PCDHA9: variants seen among roughly 807,000 people sequenced by gnomAD.
PCDHA9 encodes protocadherin alpha 9, also known as protocadherin alpha-9.
PCDHA9 carries 62 observed loss-of-function variants against 62.0 expected under a neutral mutation model. That is an observed-to-expected ratio of 1.00 (90% confidence interval 0.81 to 1.23). The LOEUF (loss-of-function observed/expected upper bound fraction) is 1.23, where lower values mean the gene tolerates loss of function less well. PCDHA9 is among the 50% of genes most tolerant of loss of function. The probability of loss-of-function intolerance (pLI) is 0.00; values close to 1 mark genes in which losing one functional copy is unlikely to be tolerated. For synonymous variants in PCDHA9, 557 were observed against 567.6 expected (o/e 0.98, Z 0.27); for missense variants, 1,205 against 1,249.8 (o/e 0.96, Z 0.54).
At chr5:140,928,208 A>AT (rs1436614514) in intron 1 of PCDHA9, 2 of 1,614,110 alleles carry the variant, frequency 1.2e-6, no homozygotes, top group Non-Finnish European at 1.7e-6. Flanking sequence ...GCTGATGTGA[A>AT]TGACAATACA....
At chr5:140,982,191 T>G (rs1431582069) in intron 2 of PCDHA9, among the ~76,000 whole-genome samples, 1 of 152,266 alleles carries the variant, frequency 6.6e-6, no homozygotes, top group African/African-American at 2.4e-5. Context: ...ATGGGCTTCC[T>G]GTTAGATTTA....
intron 1 of PCDHA9, among the ~76,000 whole-genome samples, chr5:140,935,104 A>G (rs1233919640): frequency 2.0e-5 from 3 of 152,126 alleles, no homozygotes; most frequent in Non-Finnish European, 4.4e-5. Context: ...GCCATTTTTC[A>G]AAGAGCTTTC....
intron 1 of PCDHA9, chr5:140,860,111 A>T (rs1337460322): frequency 6.6e-6 from 1 of 151,186 alleles, no homozygotes; most frequent in African/African-American, 2.4e-5. Context: ...CGACATAGGG[A>T]TATCTTGTAC....
chr5:141,005,263 A>T (rs1223276392), intron 3 of PCDHA9, among the ~76,000 whole-genome samples: 2 of 152,198 alleles, frequency 1.3e-5, no homozygotes, highest in Admixed American at 1.3e-4. Context: ...GGCACTGGTG[A>T]TACATTGGTG....
chr5:140,849,838 T>A lies in PCDHA9; in HGVS notation c.1343T>A (p.Val448Glu). Residue 448 changes from valine to glutamate, a missense_variant, in exon 1 of 4, where the codon GTG becomes GAG. Val to Glu is a moderately radical substitution (Grantham distance 121). Around this residue, in one of 3 missense-constraint regions of PCDHA9, gnomAD observed 887 missense variants for 809.5 expected, o/e 1.10. Coordinates refer to ENST00000532602, the MANE Select transcript of PCDHA9 (RefSeq NM_031857.2). ...TARVSVEVAD[V>E]NDNAPAFAQS... ...AGGGTGTCTGTGGAGGTGGCCGACG[T>A]GAACGACAACGCACCAGCGTTCGCG... 6.3e-7 allele frequency: 1 copy of A among 1,598,422 alleles called. No individual in the cohort carries two copies. Among genetic ancestry groups the A allele is most frequent in the Non-Finnish European group, 8.6e-7 (1 of 1,167,946 alleles).
At chr5:140,966,543 A>T (rs200134570) in intron 1 of PCDHA9, 4 of 461,074 alleles carry the variant, frequency 8.7e-6, no homozygotes, top group Non-Finnish European at 1.5e-5. Context: ...AGCGACTCGG[A>T]GGCGAGCGGA....
chr5:140,873,240 A>G (rs1008708021), intron 1 of PCDHA9, among the ~76,000 whole-genome samples: 10 of 152,226 alleles, frequency 6.6e-5, no homozygotes, highest in African/African-American at 2.4e-4. Context: ...ATAAAAATAT[A>G]AAATATTTCA....
At chr5:140,863,608 T>C (rs548888922) in intron 1 of PCDHA9, 1 of 349,702 alleles carries the variant, frequency 2.9e-6, no homozygotes, top group Non-Finnish European at 5.6e-6. Flanking sequence ...CCTATTAATG[T>C]CCCTCATAGT....
chr5:140,994,249 G>A (rs17119346), intron 3 of PCDHA9, among the ~76,000 whole-genome samples: 45,238 of 152,008 alleles, frequency 0.3, 6,962 homozygotes, highest in East Asian at 0.43. Flanking sequence ...CAAACCCTAG[G>A]TAAATAAGGT....
intron 1 of PCDHA9, chr5:140,877,946 C>A: frequency 7.4e-7 from 1 of 1,349,556 alleles, no homozygotes; most frequent in Non-Finnish European, 9.7e-7. Flanking sequence ...TTTAAACTAT[C>A]GAATGTCTCA....
chr5:140,948,573 G>A (rs892818051), intron 1 of PCDHA9, among the ~76,000 whole-genome samples: 1 of 151,448 alleles, frequency 6.6e-6, no homozygotes, highest in Non-Finnish European at 1.5e-5. Flanking sequence ...ATTTTTTAAA[G>A]GATTTGTCAG....
chr5:140,973,391 A>G (rs1466546487), intron 1 of PCDHA9, among the ~76,000 whole-genome samples: 1 of 152,232 alleles, frequency 6.6e-6, no homozygotes, highest in East Asian at 1.9e-4. Context: ...AGACAAAGAA[A>G]TCATATCTAT....
rs1186272048 is a variant in PCDHA9, at chr5:140,851,988, ATTTG to A, written c.2394+1107_2394+1110del. ...CCACACTCTACCTTTAGTGCAAGCT[ATTTG>A]TTTGTTTTCTAATTTATAGTTTTAA... On this transcript the variant is annotated intron_variant, in intron 1 of 3. Coordinates refer to ENST00000532602, the MANE Select transcript of PCDHA9 (RefSeq NM_031857.2). The A allele has an allele frequency of 2.0e-6, 2 of 975,736 alleles. 1 individual carries two copies. Among genetic ancestry groups the A allele is most frequent in the African/African-American group, 3.5e-5 (2 of 56,556 alleles). 60.4% of individuals were successfully genotyped at this position (975,736 alleles called of 1,614,324 possible).
intron 1 of PCDHA9, chr5:140,927,487 C>T: frequency 1.2e-6 from 2 of 1,614,142 alleles, no homozygotes; most frequent in Non-Finnish European, 1.7e-6. Context: ...GCGCGCCACC[C>T]ACCTGCTGGT....
chr5:140,861,466 T>C (rs533343348), intron 1 of PCDHA9: 34 of 493,930 alleles, frequency 6.9e-5, no homozygotes, highest in African/African-American at 6.7e-4. Context: ...GAGGTAAATC[T>C]GCAGAATGGC....
At chr5:140,862,765 T>A in intron 1 of PCDHA9, 1 of 576,704 alleles carries the variant, frequency 1.7e-6, no homozygotes. Context: ...CGGCAAGAGG[T>A]ACGCGTTGCA....
intron 1 of PCDHA9, chr5:140,927,303 G>T: frequency 6.2e-7 from 1 of 1,614,150 alleles, no homozygotes. Flanking sequence ...CCGAGTTCCT[G>T]ACGCCCGGAG....
intron 1 of PCDHA9, among the ~76,000 whole-genome samples, chr5:140,906,808 C>A (rs902394073): frequency 6.6e-6 from 1 of 152,214 alleles, no homozygotes; most frequent in Non-Finnish European, 1.5e-5. Flanking sequence ...CTCTTCCTTA[C>A]CTCCACTGTG....
chr5:140,880,417 G>A (rs1202890717), intron 1 of PCDHA9, among the ~76,000 whole-genome samples: 15 of 152,250 alleles, frequency 9.9e-5, no homozygotes, highest in South Asian at 2.1e-4. Context: ...CCTTAAAAGC[G>A]GGAACAGTTT....
Sources: allele counts gnomAD v4.1 joint callset (sites outside exome capture counted in the v4.1 genomes callset), GRCh38; gene constraint gnomAD v4.1.1; regional missense constraint gnomAD v4.1.1; transcripts MANE v1.5; gene names NCBI Gene and HGNC (gene_info 2026-07-23, HGNC 2026-07-21).